Variants in CEMIP observed in about 807,000 individuals in gnomAD.
CEMIP encodes cell migration inducing hyaluronidase 1.
A neutral mutation model predicts 156.9 loss-of-function variants in CEMIP; 105 were observed. The ratio of observed to expected loss-of-function variants is 0.67; its 90% confidence interval spans 0.57 to 0.79. The LOEUF (loss-of-function observed/expected upper bound fraction) is 0.79, where lower values mean the gene tolerates loss of function less well. Among genes scored for constraint, CEMIP ranks in the 30% least tolerant of loss-of-function variants. CEMIP has a pLI of 0.00. For missense variants in CEMIP, 1,457 were observed against 1,769.4 expected (o/e 0.82, Z 3.17); for synonymous variants, 676 against 668.4 (o/e 1.01, Z -0.17).
chr15:80,839,847 A>C (rs150913854), intron 1 of CEMIP, among the ~76,000 whole-genome samples: 2 of 152,304 alleles, frequency 1.3e-5, no homozygotes, highest in East Asian at 3.9e-4. Context: ...GTCCCAGGCA[A>C]AGTGCTAGAC....
Position 80,884,227 on chromosome 15 carries a change from A to G in CEMIP, c.670A>G (p.Asn224Asp). ...KESERLVQYL[N>D]AVPDGRILSV... Reference sequence around the variant, plus strand: ...GAGTGAACGTCTGGTCCAGTATTTGAACGCGGTGCCCGATGGCAGGATCCT... The same window carrying G: ...GAGTGAACGTCTGGTCCAGTATTTGGACGCGGTGCCCGATGGCAGGATCCT... The change falls in exon 7 of 30, where the codon AAC becomes GAC. Residue 224 changes from asparagine to aspartate, a missense_variant. Asn to Asp is a conservative substitution (Grantham distance 23). Coordinates refer to ENST00000394685, the MANE Select transcript of CEMIP (RefSeq NM_001293298.2). The G allele has an allele frequency of 1.2e-6, 2 of 1,614,220 alleles. No homozygotes were observed. The highest frequency in any genetic ancestry group is 1.7e-6 in the Non-Finnish European group (2 of 1,180,040).
At chr15:80,948,776 A>T in intron 29 of CEMIP, 21 bp from the exon 30 acceptor site, 1 of 1,613,972 alleles carries the variant, frequency 6.2e-7, no homozygotes, top group Non-Finnish European at 8.5e-7. Context: ...TTTGCTCAGG[A>T]GACTCATCAT....
At chr15:80,926,107 G>T (rs1328277929) in intron 19 of CEMIP, among the ~76,000 whole-genome samples, 1 of 152,202 alleles carries the variant, frequency 6.6e-6, no homozygotes, top group Non-Finnish European at 1.5e-5. Context: ...TGAAAGCCTT[G>T]GTTGCATTTC....
At chr15:80,838,518 G>A (rs1897315687) in intron 1 of CEMIP, among the ~76,000 whole-genome samples, 5 of 152,060 alleles carry the variant, frequency 3.3e-5, no homozygotes, top group Admixed American at 2.6e-4. Flanking sequence ...ACCACCCATT[G>A]CTGCCCAAAT....
chr15:80,828,394 A>T (rs1224855594), intron 1 of CEMIP, among the ~76,000 whole-genome samples: 1 of 152,102 alleles, frequency 6.6e-6, no homozygotes, highest in Non-Finnish European at 1.5e-5. Flanking sequence ...GAAAAAAAAA[A>T]AATGCCGAAT....
chr15:80,941,781 G>A, intron 25 of CEMIP, 68 bp from the exon 26 acceptor site: 1 of 1,429,160 alleles, frequency 7.0e-7, no homozygotes, highest in Non-Finnish European at 9.8e-7. Flanking sequence ...AAATGTCTCG[G>A]TGGGTGGGAG....
chr15:80,875,686 C>A (rs888476240), intron 3 of CEMIP, among the ~76,000 whole-genome samples: 3 of 152,172 alleles, frequency 2.0e-5, no homozygotes, highest in Admixed American at 6.5e-5. Flanking sequence ...CCAAGTAGGT[C>A]GGGCTTGCAC....
At chr15:80,836,492 A>G (rs968400755) in intron 1 of CEMIP, among the ~76,000 whole-genome samples, 1 of 152,274 alleles carries the variant, frequency 6.6e-6, no homozygotes, top group Non-Finnish European at 1.5e-5. Flanking sequence ...CTCACAGGGA[A>G]GGACGGCTTG....
chr15:80,877,377 C>T (rs1381075745), intron 3 of CEMIP, among the ~76,000 whole-genome samples: 1 of 152,208 alleles, frequency 6.6e-6, no homozygotes, highest in Non-Finnish European at 1.5e-5. Context: ...CTTCCAGTAC[C>T]TGCCCCAGAG....
At chr15:80,862,949 C>T (rs1251198038) in intron 1 of CEMIP, among the ~76,000 whole-genome samples, 1 of 152,162 alleles carries the variant, frequency 6.6e-6, no homozygotes, top group African/African-American at 2.4e-5. Flanking sequence ...TACCTTTTAT[C>T]GTGGGCAGCA....
chr15:80,796,977 T>C (rs1052738592), intron 1 of CEMIP, among the ~76,000 whole-genome samples: 1 of 152,164 alleles, frequency 6.6e-6, no homozygotes, highest in African/African-American at 2.4e-5. Flanking sequence ...TCAGATAACC[T>C]GGTACATTAA....
Position 80,878,710 on chromosome 15 carries a change from G to T in CEMIP, c.95-11G>T. The T allele has an allele frequency of 6.2e-7, 1 of 1,614,090 alleles. No homozygotes were observed. Among genetic ancestry groups the T allele is most frequent in the Non-Finnish European group, 8.5e-7 (1 of 1,180,020 alleles). ...TAGATGGGAGCAGTGACATCTCTCT[G>T]TCCTTGGCAGTGGCTGCTGGGTGCC... On this transcript the variant is annotated splice_polypyrimidine_tract_variant and intron_variant, in intron 3 of 29. Transcript: ENST00000394685.
At chr15:80,933,207 C>T in intron 22 of CEMIP, 38 bp from the exon 23 acceptor site, 3 of 1,569,496 alleles carry the variant, frequency 1.9e-6, no homozygotes, top group Non-Finnish European at 2.6e-6. Context: ...TTTCCCTTCA[C>T]CTTCTAGCCC....
chr15:80,887,952 C>G (rs1172558455), intron 8 of CEMIP, among the ~76,000 whole-genome samples, 188 bp downstream of exon 8: 10 of 152,236 alleles, frequency 6.6e-5, no homozygotes, highest in Admixed American at 6.5e-4. Flanking sequence ...GCCAAAGGCC[C>G]ATCACTTGCA....
intron 1 of CEMIP, among the ~76,000 whole-genome samples, chr15:80,789,142 A>G (rs1896017425): frequency 6.6e-6 from 1 of 152,132 alleles, no homozygotes; most frequent in South Asian, 2.1e-4. Context: ...GAAGGTTAGC[A>G]TCCCAGTTGG....
At chr15:80,907,690 G>A (rs1377489648) in intron 13 of CEMIP, among the ~76,000 whole-genome samples, 4 of 152,192 alleles carry the variant, frequency 2.6e-5, no homozygotes, top group East Asian at 3.8e-4. Flanking sequence ...ATAGGAAAAC[G>A]ATACTAATTT....
At chr15:80,824,078 C>T (rs1438522141) in intron 1 of CEMIP, among the ~76,000 whole-genome samples, 2 of 152,220 alleles carry the variant, frequency 1.3e-5, no homozygotes, top group Non-Finnish European at 2.9e-5. Flanking sequence ...TAAGTCTTTT[C>T]TTTAGCCTGG....
chr15:80,916,311 G>T (rs1490614441), intron 14 of CEMIP, among the ~76,000 whole-genome samples: 3 of 152,178 alleles, frequency 2.0e-5, no homozygotes, highest in Non-Finnish European at 4.4e-5. Flanking sequence ...GTCAGGCAGA[G>T]CCCAGGAGTT....
intron 1 of CEMIP, among the ~76,000 whole-genome samples, chr15:80,811,832 C>G (rs148121730): frequency 1.3e-5 from 2 of 152,142 alleles, no homozygotes; most frequent in African/African-American, 4.8e-5. Flanking sequence ...GTTGGGATTA[C>G]AGGCGTGAGC....
Sources: gnomAD v4.1 joint callset for allele counts (sites outside exome capture counted in the v4.1 genomes callset) on GRCh38, gnomAD v4.1.1 for gene constraint, MANE v1.5 for transcripts, NCBI Gene and HGNC (gene_info 2026-07-23, HGNC 2026-07-21) for gene names.